The following KIZ variants were observed in gnomAD, a reference collection of about 807,000 sequenced individuals.
The protein encoded by KIZ is kizuna centrosomal protein, also known as centrosomal protein kizuna.
Under a neutral mutation model 79.6 loss-of-function variants are expected in KIZ, and 68 were observed. The ratio of observed to expected loss-of-function variants is 0.85; its 90% CI spans 0.70 to 1.05. KIZ has a LOEUF of 1.05. Among genes scored for constraint, KIZ ranks in the 50% least tolerant of loss-of-function variants. The probability of loss-of-function intolerance (pLI) is 0.00; values close to 1 mark genes in which losing one functional copy is unlikely to be tolerated. For missense variants in KIZ, 797 were observed against 800.4 expected, an observed-to-expected ratio of 1.00 and a Z score of 0.05; for synonymous variants, 280 against 281.8, an observed-to-expected ratio of 0.99 and a Z score of 0.06.
chr20:21,214,791 T>C, intron 8 of KIZ, 91 bp downstream of exon 8: 1 of 739,268 alleles, frequency 1.4e-6, no homozygotes, highest in Non-Finnish European at 2.3e-6. Flanking sequence ...TATCACTGAC[T>C]AGTGAATACC....
intron 3 of KIZ, among the ~76,000 whole-genome samples, chr20:21,142,771 A>G (rs2032631965): frequency 6.9e-6 from 1 of 144,306 alleles, no homozygotes; most frequent in South Asian, 2.1e-4. Context: ...AGCCTGGGTG[A>G]CAGAGCAAGC....
chr20:21,204,157 C>A (rs1374751579), intron 6 of KIZ, among the ~76,000 whole-genome samples: 1 of 137,236 alleles, frequency 7.3e-6, no homozygotes, highest in African/African-American at 2.7e-5. Context: ...TCTCTGTCGC[C>A]CAGGCTGGAG....
chr20:21,168,780 A>G (rs527243082), intron 6 of KIZ, among the ~76,000 whole-genome samples: 12 of 152,212 alleles, frequency 7.9e-5, no homozygotes, highest in African/African-American at 2.7e-4. Flanking sequence ...ATGATGCTGC[A>G]TATCTACAAC....
At chr20:21,241,524 A>G (rs2037216482) in intron 11 of KIZ, among the ~76,000 whole-genome samples, 1 of 152,248 alleles carries the variant, frequency 6.6e-6, no homozygotes, top group South Asian at 2.1e-4. Context: ...TAGGATGTTT[A>G]CTGGCTCCCT....
At chr20:21,214,086 C>G (rs1276019601) in intron 7 of KIZ, 3 of 153,458 alleles carry the variant, frequency 2.0e-5, no homozygotes, top group African/African-American at 7.2e-5. Context: ...TCACATCTTT[C>G]CGGATCTTTT....
chr20:21,209,909 T>C (rs1005757512), intron 7 of KIZ, among the ~76,000 whole-genome samples: 1 of 105,882 alleles, frequency 9.4e-6, no homozygotes, highest in Non-Finnish European at 2.1e-5. Context: ...TGGATTTCTT[T>C]AGAGCGAGCA....
chr20:21,146,106 C>T (rs2032832450), intron 4 of KIZ, among the ~76,000 whole-genome samples: 2 of 152,184 alleles, frequency 1.3e-5, no homozygotes. Context: ...ACAAGGAATA[C>T]TTAAATAAAT....
At chr20:21,198,420 C>T (rs1231763366) in intron 6 of KIZ, 2 of 152,218 alleles carry the variant, frequency 1.3e-5, no homozygotes, top group African/African-American at 4.8e-5. Context: ...GATTATTACT[C>T]AGGAGTGGTC....
chr20:21,202,021 G>T (rs4813417), intron 6 of KIZ, among the ~76,000 whole-genome samples: 152,355 of 152,358 alleles, frequency 1, 76,176 homozygotes, highest in Middle Eastern at 1. Context: ...GTTTGACTTG[G>T]GCAAGTCAAT....
chr20:21,192,279 A>ATTTTT (rs1260846529), intron 6 of KIZ, among the ~76,000 whole-genome samples: 2 of 91,094 alleles, frequency 2.2e-5, no homozygotes, highest in Non-Finnish European at 4.4e-5. Context: ...TCATTTCTGG[A>ATTTTT]TTTTTTTTTT....
chr20:21,178,310 T>A (rs1261284554), intron 6 of KIZ, among the ~76,000 whole-genome samples: 1 of 152,104 alleles, frequency 6.6e-6, no homozygotes, highest in Non-Finnish European at 1.5e-5. Flanking sequence ...TTAAGTTTAT[T>A]TCTAAGTATT....
chr20:21,179,014 T>A (rs567221284), intron 6 of KIZ, among the ~76,000 whole-genome samples: 1 of 152,262 alleles, frequency 6.6e-6, no homozygotes, highest in Admixed American at 6.5e-5. Flanking sequence ...TCATTAGGCA[T>A]ATTGGTCTGT....
chr20:21,151,156 A>G (rs188035407), intron 4 of KIZ: 1 of 152,376 alleles, frequency 6.6e-6, no homozygotes, highest in Admixed American at 6.5e-5. Context: ...TTAATTTCTT[A>G]GTCACACAGC....
chr20:21,246,444 A>G (rs761971563), intron 12 of KIZ, 35 bp from the exon 13 acceptor site: 3 of 1,380,862 alleles, frequency 2.2e-6, no homozygotes, highest in South Asian at 1.2e-5. Flanking sequence ...CCAGAATGCA[A>G]AAATGTTAAA....
chr20:21,139,126 T>C (rs1056866083), intron 3 of KIZ: 6 of 151,198 alleles, frequency 4.0e-5, no homozygotes, highest in Non-Finnish European at 8.8e-5. Context: ...TTCTATTTAC[T>C]AGTATGTTAT....
chr20:21,186,806 C>T (rs2034892180), intron 6 of KIZ, among the ~76,000 whole-genome samples: 1 of 152,018 alleles, frequency 6.6e-6, no homozygotes, highest in South Asian at 2.1e-4. Context: ...TTACATCCCG[C>T]CTTCCCTTCT....
In KIZ at chr20:21,180,782, C is replaced by G. The variant is rs145310544; in HGVS notation, c.1352+17623C>G. Among the ~76,000 whole-genome samples the G allele has an allele frequency of 1.4e-3, 219 of 152,144 alleles. 2 individuals carry two copies. Among genetic ancestry groups the G allele is most frequent in the African/African-American group, 5.0e-3 (206 of 41,516 alleles). ...GGTATAGGTACTCCAGTCAGTAGTC[C>G]CAGCTGAGCCCAGTAGTTCTAGCCC... On this transcript the variant is annotated intron_variant, in intron 6 of 12. Coordinates refer to ENST00000619189, the MANE Select transcript of KIZ (RefSeq NM_018474.6).
chr20:21,143,702 A>T (rs914639813), intron 3 of KIZ, among the ~76,000 whole-genome samples: 11 of 152,070 alleles, frequency 7.2e-5, no homozygotes, highest in Non-Finnish European at 1.3e-4. Flanking sequence ...ATTAAAACAG[A>T]TTTCTTGGGT....
intron 6 of KIZ, among the ~76,000 whole-genome samples, chr20:21,181,377 G>A (rs1409651983): frequency 1.3e-5 from 2 of 152,154 alleles, no homozygotes; most frequent in Non-Finnish European, 2.9e-5. Context: ...TTAGGGGCAG[G>A]ATGCACATTT....
Sources: allele counts gnomAD v4.1 joint callset (sites outside exome capture counted in the v4.1 genomes callset), GRCh38; gene constraint gnomAD v4.1.1; transcripts MANE v1.5; gene names NCBI Gene and HGNC (gene_info 2026-07-23, HGNC 2026-07-21).